Variants in SNCAIP observed in about 807,000 individuals in gnomAD.
SNCAIP encodes the protein synuclein alpha interacting protein.
In SNCAIP, 43 loss-of-function variants were observed where a neutral mutation model predicts 86.7. The observed-to-expected ratio is 0.50, with a 90% confidence interval of 0.39 to 0.64. The LOEUF is 0.64. Among genes scored for constraint, SNCAIP ranks in the 30% least tolerant of loss-of-function variants. SNCAIP has a pLI of 0.00. For synonymous variants in SNCAIP, 417 were observed against 427.2 expected (o/e 0.98, Z 0.29); for missense variants, 981 against 1,103.1 (o/e 0.89, Z 1.57).
At chr5:122,379,975 C>T (rs566457623) in intron 1 of SNCAIP, among the ~76,000 whole-genome samples, 73 of 152,156 alleles carry the variant, frequency 4.8e-4, no homozygotes, top group Non-Finnish European at 8.8e-4. Context: ...CATCAATGTT[C>T]ATCAAGGGTA....
At chr5:122,328,804 C>G (rs1026576137) in intron 1 of SNCAIP, among the ~76,000 whole-genome samples, 2 of 152,176 alleles carry the variant, frequency 1.3e-5, no homozygotes, top group African/African-American at 4.8e-5. Context: ...TTGAGCCTTG[C>G]CCACTTGTCC....
intron 1 of SNCAIP, among the ~76,000 whole-genome samples, chr5:122,315,506 T>G (rs988488181): frequency 3.9e-5 from 6 of 152,314 alleles, no homozygotes; most frequent in Admixed American, 3.9e-4. Flanking sequence ...AGTCCACTTA[T>G]GATGAGAAGG....
chr5:122,351,538 A>AAAAAAAAAAAAAAAAAAAG (rs1759817925), intron 1 of SNCAIP, among the ~76,000 whole-genome samples: 1 of 77,728 alleles, frequency 1.3e-5, no homozygotes, highest in Non-Finnish European at 2.3e-5. Context: ...CTCTGTATCA[A>AAAAAAAAAAAAAAAAAAAG]AAAAAAAAAA....
At chr5:122,461,582 T>A (rs1786253066) in intron 10 of SNCAIP, among the ~76,000 whole-genome samples, 1 of 152,126 alleles carries the variant, frequency 6.6e-6, no homozygotes, top group Admixed American at 6.5e-5. Flanking sequence ...CCTTTCAATC[T>A]TGCTATTGAA....
intron 10 of SNCAIP, among the ~76,000 whole-genome samples, chr5:122,460,964 C>T (rs1786056719): frequency 6.6e-6 from 1 of 152,214 alleles, no homozygotes; most frequent in Non-Finnish European, 1.5e-5. Flanking sequence ...TGCTTCTCTC[C>T]TGTTTAGACT....
At chr5:122,412,584 C>G (rs1232862974) in intron 3 of SNCAIP, among the ~76,000 whole-genome samples, 1 of 152,136 alleles carries the variant, frequency 6.6e-6, no homozygotes, top group African/African-American at 2.4e-5. Flanking sequence ...TCAAATGGAA[C>G]TAAATATTTA....
chr5:122,345,072 A>G (rs977644182), intron 1 of SNCAIP, among the ~76,000 whole-genome samples: 2 of 152,318 alleles, frequency 1.3e-5, no homozygotes, highest in South Asian at 2.1e-4. Flanking sequence ...AAGGTAGAGA[A>G]TGCAGCCTCT....
intron 1 of SNCAIP, among the ~76,000 whole-genome samples, chr5:122,333,556 A>T (rs1474991920): frequency 6.6e-6 from 1 of 152,228 alleles, no homozygotes; most frequent in Non-Finnish European, 1.5e-5. Flanking sequence ...ATGAAATAAG[A>T]ATGAAGGCAC....
chr5:122,443,520 T>C (rs1781558806), intron 7 of SNCAIP: 1 of 443,302 alleles, frequency 2.3e-6, no homozygotes, highest in African/African-American at 2.0e-5. Context: ...TCCAAGCCTC[T>C]TTAAAATCTC....
At chr5:122,381,696 T>G (rs1042943265) in intron 1 of SNCAIP, among the ~76,000 whole-genome samples, 3 of 152,050 alleles carry the variant, frequency 2.0e-5, no homozygotes, top group Non-Finnish European at 4.4e-5. Context: ...TTCCTTTCCA[T>G]GTTTAGCGGT....
intron 1 of SNCAIP, among the ~76,000 whole-genome samples, chr5:122,357,007 A>G (rs1761140296): frequency 6.6e-6 from 1 of 151,942 alleles, no homozygotes; most frequent in South Asian, 2.1e-4. Flanking sequence ...ACTCCTTTCC[A>G]TGGGCCATAA....
At position 122,451,442 on chromosome 5, in the gene SNCAIP, A is replaced by T; in HGVS notation, c.2595A>T (p.Arg865=). The change falls in exon 10 of 11, where the codon CGA becomes CGT. Residue 865 remains arginine (R), a synonymous_variant. Coordinates refer to ENST00000261368, the MANE Select transcript of SNCAIP (RefSeq NM_005460.4). The stretch of plus-strand genomic sequence containing the variant: ...TGAAAAGGCCTTTTGGAGCCTTTCG[A>T]TCTATCATGGAGACACTAAGTGGCA... The part of the protein sequence containing the change: ...DQLKRPFGAF[R]SIMETLSGNQ... 1 of 1,614,066 alleles carries T rather than the reference A, an allele frequency of 6.2e-7. No homozygotes were observed. Among genetic ancestry groups the T allele is most frequent in the Non-Finnish European group, 8.5e-7 (1 of 1,180,006 alleles).
chr5:122,329,305 G>A (rs900722959), intron 1 of SNCAIP, among the ~76,000 whole-genome samples: 23 of 151,530 alleles, frequency 1.5e-4, no homozygotes, highest in Non-Finnish European at 1.5e-5. Flanking sequence ...TTTATTACAG[G>A]GAGTTCAATC....
intron 1 of SNCAIP, among the ~76,000 whole-genome samples, chr5:122,343,378 A>G (rs1333995410): frequency 6.6e-6 from 1 of 152,000 alleles, no homozygotes; most frequent in Non-Finnish European, 1.5e-5. Context: ...CATTTTGAAA[A>G]TTTTAATAAT....
intron 10 of SNCAIP, among the ~76,000 whole-genome samples, chr5:122,455,099 C>T (rs1334606735): frequency 6.6e-6 from 1 of 152,168 alleles, no homozygotes; most frequent in Non-Finnish European, 1.5e-5. Flanking sequence ...TTTAAATAAG[C>T]ATCTTGACCC....
At chr5:122,434,161 T>C (rs1267371745) in intron 6 of SNCAIP, among the ~76,000 whole-genome samples, 1 of 152,214 alleles carries the variant, frequency 6.6e-6, no homozygotes, top group Non-Finnish European at 1.5e-5. Flanking sequence ...AACAAAATTT[T>C]ATTCAATTGT....
intron 2 of SNCAIP, among the ~76,000 whole-genome samples, chr5:122,401,736 G>A (rs73287520): frequency 6.6e-6 from 1 of 152,162 alleles, no homozygotes; most frequent in African/African-American, 2.4e-5. Context: ...TGAGGCAGTG[G>A]CAGTGACTCA....
chr5:122,340,535 A>T (rs532434453), intron 1 of SNCAIP, among the ~76,000 whole-genome samples: 1 of 152,348 alleles, frequency 6.6e-6, no homozygotes, highest in Non-Finnish European at 1.5e-5. Flanking sequence ...CATTAACAAT[A>T]GTAAGAATCT....
At chr5:122,350,864 C>T (rs180692629) in intron 1 of SNCAIP, among the ~76,000 whole-genome samples, 13 of 152,202 alleles carry the variant, frequency 8.5e-5, no homozygotes, top group East Asian at 5.8e-4. Flanking sequence ...AGTGATACTA[C>T]GAGATTTCTT....
Sources: gnomAD v4.1 joint callset for allele counts (sites outside exome capture counted in the v4.1 genomes callset) on GRCh38, gnomAD v4.1.1 for gene constraint, MANE v1.5 for transcripts, NCBI Gene and HGNC (gene_info 2026-07-23, HGNC 2026-07-21) for gene names.